The following LRRTM4 variants were observed in gnomAD, a reference collection of about 807,000 sequenced individuals.
The protein encoded by LRRTM4 is leucine rich repeat transmembrane neuronal 4, also known as leucine-rich repeat transmembrane neuronal protein 4.
A neutral mutation model predicts 47.6 loss-of-function variants in LRRTM4; 25 were observed. The observed-to-expected ratio is 0.53, with a 90% CI of 0.38 to 0.73. The LOEUF is 0.73. LRRTM4 is among the 30% of genes least tolerant of loss of function. LRRTM4 has a pLI of 0.00. For missense variants in LRRTM4, 638 were observed against 713.4 expected (o/e 0.89, Z 1.20); for synonymous variants, 311 against 269.5 (o/e 1.15, Z -1.51).
intron 3 of LRRTM4, among the ~76,000 whole-genome samples, chr2:77,021,490 C>G (rs917944500): frequency 5.3e-5 from 8 of 152,022 alleles, no homozygotes; most frequent in African/African-American, 1.9e-4. Context: ...AAAGGGACAC[C>G]AATACACATG....
At chr2:77,207,229 G>GTATA (rs10677955) in intron 3 of LRRTM4, among the ~76,000 whole-genome samples, 65 of 141,616 alleles carry the variant, frequency 4.6e-4, no homozygotes, top group Non-Finnish European at 6.7e-4. Flanking sequence ...ACACATATGT[G>GTATA]TATATATATA....
intron 3 of LRRTM4, among the ~76,000 whole-genome samples, chr2:77,483,434 G>A (rs1488437703): frequency 6.6e-6 from 1 of 151,958 alleles, no homozygotes; most frequent in Non-Finnish European, 1.5e-5. Context: ...TCTGCCTCCC[G>A]GGTTCAAGCT....
chr2:77,282,815 C>T (rs1047468503), intron 3 of LRRTM4, among the ~76,000 whole-genome samples: 8 of 151,948 alleles, frequency 5.3e-5, no homozygotes, highest in African/African-American at 1.9e-4. Flanking sequence ...AACTGGACTT[C>T]TATCTTTCAT....
intron 3 of LRRTM4, among the ~76,000 whole-genome samples, chr2:77,151,836 T>TA (rs1553398993): frequency 1.3e-5 from 2 of 152,110 alleles, no homozygotes; most frequent in Admixed American, 1.3e-4. Context: ...AACATTTTTT[T>TA]AAAAAAATAT....
intron 3 of LRRTM4, among the ~76,000 whole-genome samples, chr2:76,842,397 ATATG>A (rs1472107151): frequency 3.9e-5 from 6 of 152,210 alleles, no homozygotes; most frequent in African/African-American, 1.4e-4. Context: ...GTTTTAATAA[ATATG>A]TATGTCACAC....
At chr2:77,175,457 A>G (rs1182596274) in intron 3 of LRRTM4, among the ~76,000 whole-genome samples, 2 of 152,064 alleles carry the variant, frequency 1.3e-5, no homozygotes, top group East Asian at 3.9e-4. Flanking sequence ...TGGCTCTGGA[A>G]TGTGTCTAGA....
At chr2:77,062,759 CT>C (rs1442943828) in intron 3 of LRRTM4, among the ~76,000 whole-genome samples, 1 of 151,964 alleles carries the variant, frequency 6.6e-6, no homozygotes, top group Non-Finnish European at 1.5e-5. Context: ...AAGCAGGTGG[CT>C]TATGGATCTC....
intron 3 of LRRTM4, among the ~76,000 whole-genome samples, chr2:77,385,514 C>T (rs186069035): frequency 4.6e-5 from 7 of 152,006 alleles, no homozygotes; most frequent in South Asian, 2.1e-4. Flanking sequence ...CAGTGTGCTA[C>T]GGCACTGATG....
intron 3 of LRRTM4, among the ~76,000 whole-genome samples, chr2:77,318,682 T>C (rs1049383825): frequency 1.3e-5 from 2 of 152,198 alleles, no homozygotes; most frequent in Admixed American, 6.5e-5. Flanking sequence ...TACTGTTTTA[T>C]TTGCATACAA....
intron 3 of LRRTM4, among the ~76,000 whole-genome samples, chr2:77,188,280 G>C (rs1402367220): frequency 6.6e-6 from 1 of 152,056 alleles, no homozygotes; most frequent in East Asian, 1.9e-4. Flanking sequence ...AATGACATAC[G>C]ATATTTCCCC....
intron 3 of LRRTM4, among the ~76,000 whole-genome samples, chr2:76,841,701 A>T (rs1671689383): frequency 6.6e-6 from 1 of 150,756 alleles, no homozygotes; most frequent in African/African-American, 2.4e-5. Context: ...TATATATATA[A>T]AAGAATTCAA....
rs1409687108 is a variant in LRRTM4 at position 77,410,409 on chromosome 2, G to A, written c.1551+107909C>T. 2.6e-5 allele frequency among the ~76,000 whole-genome samples: 4 copies of A among 152,116 alleles called. No homozygotes were observed. The East Asian group carries it at 7.7e-4, about 29-fold the overall frequency. On this transcript the variant is annotated intron_variant, in intron 3 of 3. Coordinates refer to ENST00000409884, the MANE Select transcript of LRRTM4 (RefSeq NM_001134745.3). Reference sequence around the variant, plus strand: ...TTGAAACCCCTGTTAGATATCTTAAGCCCTAAAGATTTTGGTCCTCATATT... The same window carrying A: ...TTGAAACCCCTGTTAGATATCTTAAACCCTAAAGATTTTGGTCCTCATATT...
At chr2:76,770,022 C>A (rs1055309261) in intron 3 of LRRTM4, among the ~76,000 whole-genome samples, 1 of 152,122 alleles carries the variant, frequency 6.6e-6, no homozygotes, top group Non-Finnish European at 1.5e-5. Flanking sequence ...TTGAGCAGGC[C>A]TGACATTATT....
At chr2:76,817,664 C>A (rs183532944) in intron 3 of LRRTM4, among the ~76,000 whole-genome samples, 50 of 152,018 alleles carry the variant, frequency 3.3e-4, no homozygotes, top group African/African-American at 1.1e-3. Context: ...TGAGGCTATG[C>A]CCATATATGA....
intron 3 of LRRTM4, among the ~76,000 whole-genome samples, chr2:77,049,716 A>G (rs1679364590): frequency 6.6e-6 from 1 of 151,746 alleles, no homozygotes; most frequent in Admixed American, 6.6e-5. Context: ...ATAGTATGCA[A>G]ATAATTTCTC....
chr2:77,456,592 T>C (rs1676551129), intron 3 of LRRTM4, among the ~76,000 whole-genome samples: 2 of 152,088 alleles, frequency 1.3e-5, no homozygotes, highest in South Asian at 4.1e-4. Flanking sequence ...TCTACCAATG[T>C]TTTAATGTAG....
At chr2:77,390,789 G>T (rs116283872) in intron 3 of LRRTM4, among the ~76,000 whole-genome samples, 2,255 of 151,358 alleles carry the variant, frequency 0.015, 68 homozygotes, top group African/African-American at 0.052. Flanking sequence ...TCATAAGTTG[G>T]TACTTTTATT....
At chr2:76,811,713 G>C (rs146961480) in intron 3 of LRRTM4, among the ~76,000 whole-genome samples, 134 of 152,142 alleles carry the variant, frequency 8.8e-4, no homozygotes, top group African/African-American at 3.1e-3. Context: ...TCTTTAGAAG[G>C]GTCCCATGTT....
At chr2:77,260,930 T>A (rs1675903342) in intron 3 of LRRTM4, among the ~76,000 whole-genome samples, 1 of 152,084 alleles carries the variant, frequency 6.6e-6, no homozygotes, top group African/African-American at 2.4e-5. Flanking sequence ...AGGCAATAAC[T>A]TCAAAATAAT....
Sources: gnomAD v4.1 joint callset for allele counts (sites outside exome capture counted in the v4.1 genomes callset) on GRCh38, gnomAD v4.1.1 for gene constraint, MANE v1.5 for transcripts, NCBI Gene and HGNC (gene_info 2026-07-23, HGNC 2026-07-21) for gene names.